The following KCNK2 variants were observed in gnomAD, a reference collection of about 807,000 sequenced individuals.
KCNK2 encodes potassium two pore domain channel subfamily K member 2.
Under a neutral mutation model 40.5 loss-of-function variants are expected in KCNK2, and 21 were observed. That is an observed-to-expected ratio of 0.52 (90% CI 0.37 to 0.75). The LOEUF (loss-of-function observed/expected upper bound fraction) is 0.75, where lower values mean the gene tolerates loss of function less well. Ranked by LOEUF, KCNK2 falls within the 30% of genes least tolerant of loss-of-function variation. The pLI is 0.00. For missense variants in KCNK2, 399 were observed against 531.6 expected, an observed-to-expected ratio of 0.75 and a Z score of 2.45; for synonymous variants, 191 against 202.2, an observed-to-expected ratio of 0.94 and a Z score of 0.47.
intron 1 of KCNK2, among the ~76,000 whole-genome samples, chr1:215,008,339 T>C (rs946117515): frequency 2.6e-5 from 4 of 152,140 alleles, no homozygotes; most frequent in African/African-American, 9.7e-5. Context: ...ACATCAAAAT[T>C]TCTATAGCCA....
intron 6 of KCNK2, among the ~76,000 whole-genome samples, chr1:215,200,683 C>T (rs74140951): frequency 2.4e-3 from 371 of 152,088 alleles, no homozygotes; most frequent in African/African-American, 8.4e-3. Context: ...TACTATCAAA[C>T]GAAGGGTCTA....
chr1:215,198,473 A>G (rs1015980016), intron 6 of KCNK2, among the ~76,000 whole-genome samples: 24 of 152,382 alleles, frequency 1.6e-4, no homozygotes, highest in Non-Finnish European at 3.2e-4. Flanking sequence ...CAAAGTTTTT[A>G]TAAACAAAAT....
chr1:215,202,062 T>C (rs775358164), intron 6 of KCNK2, among the ~76,000 whole-genome samples: 1 of 152,206 alleles, frequency 6.6e-6, no homozygotes, highest in Non-Finnish European at 1.5e-5. Context: ...TAGTTATAAA[T>C]GACTACTTGA....
intron 6 of KCNK2, among the ~76,000 whole-genome samples, chr1:215,195,574 A>G (rs1377373129): frequency 6.6e-6 from 1 of 152,138 alleles, no homozygotes; most frequent in Non-Finnish European, 1.5e-5. Context: ...ATATATTCCA[A>G]AGCTGTATGC....
rs533393868 is a variant in KCNK2, at chr1:215,084,725, G to C, written c.46+1294G>C. ...TGGAACAGGTGAATGTATCAGGAGA[G>C]AAACATGTGCATTCCTCTGTGTAGT... On this transcript the variant is annotated intron_variant, in intron 1 of 6. Transcript: ENST00000444842. 2.4e-4 allele frequency among the ~76,000 whole-genome samples: 37 copies of C among 152,292 alleles called. No individual in the cohort carries two copies. In the South Asian group the frequency reaches 3.7e-3, roughly 15 times the overall value.
upstream of KCNK2, among the ~76,000 whole-genome samples, chr1:215,081,583 C>G (rs1659156100): frequency 6.6e-6 from 1 of 151,978 alleles, no homozygotes; most frequent in African/African-American, 2.4e-5. Flanking sequence ...GATTTACAAG[C>G]TTTTTTTCCC....
Position 215,234,994 on chromosome 1 carries a change from T to C in KCNK2, c.1130T>C (p.Leu377Pro). 2 of 1,614,036 alleles carry C rather than the reference T, an allele frequency of 1.2e-6. No individual in the cohort carries two copies. The highest frequency in any genetic ancestry group is 1.7e-6 in the Non-Finnish European group (2 of 1,180,006). ...AELAGNHNQELTPCRRTLSVN... is the reference protein window; with the variant it reads ...AELAGNHNQEPTPCRRTLSVN... ...CTGGCTGGAAACCACAATCAGGAGC[T>C]GACTCCTTGTAGGAGGACCCTGTCA... The change falls in exon 7 of 7, where the codon CTG (leucine) becomes CCG (proline). Residue 377 changes from leucine (L) to proline (P), a missense_variant. Physicochemically the swap from Leu to Pro is moderately conservative, Grantham distance 98 (BLOSUM62 -3). Transcript: ENST00000444842.
chr1:215,155,696 T>A (rs1306512064), intron 3 of KCNK2, among the ~76,000 whole-genome samples: 1 of 152,082 alleles, frequency 6.6e-6, no homozygotes, highest in Non-Finnish European at 1.5e-5. Context: ...ATTTTTGTAT[T>A]TTTTAGTAAA....
intron 3 of KCNK2, among the ~76,000 whole-genome samples, chr1:215,134,529 A>C: frequency 6.6e-6 from 1 of 152,072 alleles, no homozygotes. Flanking sequence ...AGCTCTCCAA[A>C]CCCCATAGTT....
At chr1:215,139,548 C>T (rs1477884085) in intron 3 of KCNK2, among the ~76,000 whole-genome samples, 2 of 151,970 alleles carry the variant, frequency 1.3e-5, no homozygotes, top group Non-Finnish European at 2.9e-5. Flanking sequence ...CTTTGGGAGG[C>T]CAAGGTGGGT....
At chr1:215,109,585 C>T (rs76731907) in intron 2 of KCNK2, among the ~76,000 whole-genome samples, 2,030 of 150,996 alleles carry the variant, frequency 0.013, 39 homozygotes, top group African/African-American at 0.047. Context: ...TGTGTGTGTG[C>T]GTGCATGTGT....
chr1:215,051,905 A>T (rs1363461513), intron 1 of KCNK2, among the ~76,000 whole-genome samples: 1 of 152,174 alleles, frequency 6.6e-6, no homozygotes, highest in Non-Finnish European at 1.5e-5. Context: ...TAATATAAAA[A>T]CAAGATATTA....
At chr1:215,225,146 A>G (rs747417210) in intron 6 of KCNK2, among the ~76,000 whole-genome samples, 2 of 152,194 alleles carry the variant, frequency 1.3e-5, no homozygotes, top group African/African-American at 4.8e-5. Context: ...GGTAATTGCT[A>G]AAATCCATAG....
intron 1 of KCNK2, among the ~76,000 whole-genome samples, chr1:215,017,224 A>C (rs2601615): frequency 0.56 from 85,105 of 151,944 alleles, 25,520 homozygotes; most frequent in South Asian, 0.78. Flanking sequence ...TATGATCCAG[A>C]AATCCCACTG....
At chr1:215,078,411 A>G (rs574854389), upstream of KCNK2, among the ~76,000 whole-genome samples, 26 of 152,238 alleles carry the variant, frequency 1.7e-4, no homozygotes, top group Non-Finnish European at 2.9e-4. Context: ...AAGAGGTTTA[A>G]TTAATTCATA....
chr1:215,185,483 T>C (rs950963583), intron 5 of KCNK2, among the ~76,000 whole-genome samples: 1 of 152,172 alleles, frequency 6.6e-6, no homozygotes, highest in Non-Finnish European at 1.5e-5. Context: ...ATTGTGAATT[T>C]TTTTAAAGGA....
intron 2 of KCNK2, among the ~76,000 whole-genome samples, chr1:215,087,667 A>T (rs1203518772): frequency 6.6e-6 from 1 of 152,242 alleles, no homozygotes; most frequent in Admixed American, 6.5e-5. Flanking sequence ...AATGGAAATT[A>T]TCTGTGAGTC....
At chr1:215,086,227 G>A (rs1659428024) in intron 1 of KCNK2, 141 bp from the exon 2 acceptor site, 2 of 647,742 alleles carry the variant, frequency 3.1e-6, no homozygotes, top group Admixed American at 2.8e-5. Context: ...TCTAGTGACA[G>A]CACTCCTGGT....
At chr1:215,180,494 A>T (rs1054806064) in intron 5 of KCNK2, among the ~76,000 whole-genome samples, 1 of 152,132 alleles carries the variant, frequency 6.6e-6, no homozygotes, top group African/African-American at 2.4e-5. Flanking sequence ...GGTAGCAGGT[A>T]TCATTTCTTT....
Sources: gnomAD v4.1 joint callset for allele counts (sites outside exome capture counted in the v4.1 genomes callset) on GRCh38, gnomAD v4.1.1 for gene constraint, MANE v1.5 for transcripts, NCBI Gene and HGNC (gene_info 2026-07-23, HGNC 2026-07-21) for gene names.